The following STXBP5L variants were observed in gnomAD, a reference collection of about 807,000 sequenced individuals.
The protein encoded by STXBP5L is syntaxin-binding protein 5-like.
In STXBP5L, 65 loss-of-function variants were observed where a neutral mutation model predicts 144.5. The ratio of observed to expected loss-of-function variants is 0.45; its 90% CI spans 0.37 to 0.55. The LOEUF is 0.55. Among genes scored for constraint, STXBP5L ranks in the 20% least tolerant of loss-of-function variants. STXBP5L has a pLI of 0.00. For synonymous variants in STXBP5L, 505 were observed against 469.6 expected (o/e 1.08, Z -0.97); for missense variants, 1,298 against 1,405.5 (o/e 0.92, Z 1.22).
chr3:121,270,850 AGT>A (rs2050714949), intron 18 of STXBP5L, among the ~76,000 whole-genome samples: 1 of 152,192 alleles, frequency 6.6e-6, no homozygotes, highest in Non-Finnish European at 1.5e-5. Context: ...TCATGATGAG[AGT>A]AAATTAAGCA....
chr3:121,020,642 T>G (rs1459211937), intron 3 of STXBP5L, among the ~76,000 whole-genome samples: 3 of 152,180 alleles, frequency 2.0e-5, no homozygotes, highest in Non-Finnish European at 2.9e-5. Context: ...CAGGCAAGAA[T>G]TTTTTATCAG....
At chr3:121,160,187 A>G (rs2046270207) in intron 9 of STXBP5L, among the ~76,000 whole-genome samples, 1 of 152,172 alleles carries the variant, frequency 6.6e-6, no homozygotes, top group Admixed American at 6.5e-5. Context: ...AGTGCTATCA[A>G]TTGCTGAGAG....
chr3:121,235,004 T>C (rs183391291), intron 12 of STXBP5L, among the ~76,000 whole-genome samples: 7 of 151,432 alleles, frequency 4.6e-5, no homozygotes, highest in African/African-American at 1.7e-4. Context: ...ATATATATAT[T>C]TTTTTATTTA....
chr3:120,978,144 C>T (rs1040942339), intron 3 of STXBP5L, among the ~76,000 whole-genome samples: 2 of 152,164 alleles, frequency 1.3e-5, no homozygotes, highest in Admixed American at 1.3e-4. Flanking sequence ...GAGTGTTTTC[C>T]AACTTGGTTC....
chr3:120,930,633 A>T (rs1709881092), intron 2 of STXBP5L, among the ~76,000 whole-genome samples: 2 of 152,036 alleles, frequency 1.3e-5, no homozygotes, highest in Admixed American at 1.3e-4. Context: ...TCACATTTTG[A>T]CATTTTTATT....
intron 7 of STXBP5L, among the ~76,000 whole-genome samples, chr3:121,140,242 T>C (rs924882316): frequency 1.3e-5 from 2 of 152,016 alleles, no homozygotes; most frequent in Non-Finnish European, 2.9e-5. Context: ...ATTGCCATTA[T>C]CAAAAAGACA....
intron 3 of STXBP5L, among the ~76,000 whole-genome samples, chr3:120,963,519 A>T (rs1013797260): frequency 2.0e-5 from 3 of 152,198 alleles, no homozygotes; most frequent in Non-Finnish European, 4.4e-5. Context: ...TTTTGCATCT[A>T]TTGAGATAAT....
At chr3:121,053,165 G>T (rs899863778) in intron 5 of STXBP5L, among the ~76,000 whole-genome samples, 6 of 152,082 alleles carry the variant, frequency 3.9e-5, no homozygotes, top group African/African-American at 7.2e-5. Context: ...TGGCCATATT[G>T]CCCAAGATAA....
At chr3:121,356,336 G>A (rs1237387528) in intron 20 of STXBP5L, among the ~76,000 whole-genome samples, 1 of 152,228 alleles carries the variant, frequency 6.6e-6, no homozygotes, top group Non-Finnish European at 1.5e-5. Context: ...CTAAGCTGTG[G>A]TGGGCTCCCT....
At chr3:121,060,357 T>C (rs898041969) in intron 5 of STXBP5L, among the ~76,000 whole-genome samples, 14 of 152,214 alleles carry the variant, frequency 9.2e-5, no homozygotes, top group Non-Finnish European at 1.5e-5. Flanking sequence ...TTTGATGTGC[T>C]GCTGGACTTG....
chr3:120,961,746 G>T (rs1229445234), intron 3 of STXBP5L, among the ~76,000 whole-genome samples: 3 of 152,182 alleles, frequency 2.0e-5, no homozygotes, highest in Non-Finnish European at 4.4e-5. Context: ...GTGTGCATGT[G>T]TCTTTATAGT....
At chr3:121,353,526 A>G (rs2045384945) in intron 20 of STXBP5L, among the ~76,000 whole-genome samples, 1 of 151,872 alleles carries the variant, frequency 6.6e-6, no homozygotes, top group African/African-American at 2.4e-5. Flanking sequence ...ATCGGTGGTG[A>G]TATCCCTTTT....
rs997929881 is a variant in STXBP5L, at chr3:121,250,854, C to G, written c.1441+91C>G. On this transcript the variant is annotated intron_variant, in intron 15 of 26. Transcript: ENST00000471454. ...TTTTTAGTTTGGGCAATTAAAATTT[C>G]AGATATATTTTTAGCACACATATGT... is the stretch of plus-strand genomic sequence containing the variant. 5 of 1,145,888 alleles carry G rather than the reference C, an allele frequency of 4.4e-6. No homozygotes were observed. In the African/African-American group the frequency reaches 7.8e-5, roughly 18 times the overall value. The allele number at this position is 1,145,888 out of a possible 1,614,324, so 71.0% of individuals were successfully genotyped here.
At position 121,418,460 on chromosome 3, in the gene STXBP5L, T is replaced by C. The variant is rs930924244; in HGVS notation, c.3350T>C (p.Ile1117Thr). Reference sequence around the variant, plus strand: ...ATGGGAGAGCTGACCCGTGCACGGATTGCACTTGATGAAAGAGGACAGAGG... The same window carrying C: ...ATGGGAGAGCTGACCCGTGCACGGACTGCACTTGATGAAAGAGGACAGAGG... Reference protein sequence around the residue: ...GVMGELTRARIALDERGQRLG... With the variant: ...GVMGELTRARTALDERGQRLG... Residue 1117 changes from isoleucine to threonine, a missense_variant, in exon 26 of 27, where the codon ATT becomes ACT. Transcript: ENST00000471454. 4.3e-6 allele frequency: 7 copies of C among 1,614,020 alleles called. No homozygotes were observed. The highest frequency in any genetic ancestry group is 5.9e-6 in the Non-Finnish European group (7 of 1,179,964).
At chr3:121,274,783 G>C (rs1016314522) in intron 18 of STXBP5L, among the ~76,000 whole-genome samples, 42 of 152,132 alleles carry the variant, frequency 2.8e-4, no homozygotes, top group African/African-American at 9.7e-4. Context: ...ATGATGACTT[G>C]GTCCCAGGGG....
chr3:121,312,472 T>A (rs1461456292), intron 19 of STXBP5L, among the ~76,000 whole-genome samples: 3 of 102,436 alleles, frequency 2.9e-5, no homozygotes, highest in Non-Finnish European at 6.1e-5. Context: ...TTTTTTTTTT[T>A]TTTTTTATTG....
At chr3:120,977,555 A>G (rs960365028) in intron 3 of STXBP5L, among the ~76,000 whole-genome samples, 1 of 152,094 alleles carries the variant, frequency 6.6e-6, no homozygotes, top group Non-Finnish European at 1.5e-5. Flanking sequence ...TTGAAAGTTA[A>G]TATTGTTATG....
At chr3:120,922,178 TA>T (rs1709391716) in intron 2 of STXBP5L, among the ~76,000 whole-genome samples, 1 of 151,976 alleles carries the variant, frequency 6.6e-6, no homozygotes, top group Non-Finnish European at 1.5e-5. Flanking sequence ...CTTCTTTAAT[TA>T]AATTTATTCA....
intron 11 of STXBP5L, among the ~76,000 whole-genome samples, chr3:121,225,760 C>T (rs890808961): frequency 6.6e-6 from 1 of 152,224 alleles, no homozygotes; most frequent in Non-Finnish European, 1.5e-5. Context: ...TGGTCTGTTT[C>T]ACCAGTCCAG....
Sources: allele counts gnomAD v4.1 joint callset (sites outside exome capture counted in the v4.1 genomes callset), GRCh38; gene constraint gnomAD v4.1.1; transcripts MANE v1.5; gene names NCBI Gene and HGNC (gene_info 2026-07-23, HGNC 2026-07-21).